Variants in AFG2A observed in about 807,000 individuals in gnomAD.
The protein encoded by AFG2A is AAA ATPase AFG2A.
chr4:122,970,311 A>T, the AFG2A span, among the ~76,000 whole-genome samples: 1 of 152,114 alleles, frequency 6.6e-6, no homozygotes, highest in Non-Finnish European at 1.5e-5. Flanking sequence ...AACATGCCTT[A>T]CAGGTTTGTA....
At chr4:123,302,516 A>AT in the AFG2A span, among the ~76,000 whole-genome samples, 6,954 of 149,226 alleles carry the variant, frequency 0.047, 236 homozygotes, top group African/African-American at 0.09. Flanking sequence ...ATGCGTGTGT[A>AT]TTTTTTTTTT....
At chr4:123,009,783 T>C in the AFG2A span, among the ~76,000 whole-genome samples, 1 of 152,212 alleles carries the variant, frequency 6.6e-6, no homozygotes, top group Non-Finnish European at 1.5e-5. Flanking sequence ...AAGTTCCAAT[T>C]TTCATCACAG....
chr4:123,261,619 T>G, the AFG2A span, among the ~76,000 whole-genome samples: 1 of 152,114 alleles, frequency 6.6e-6, no homozygotes, highest in East Asian at 1.9e-4. Flanking sequence ...CCAATTGCCC[T>G]TGGATACCAA....
the AFG2A span, among the ~76,000 whole-genome samples, chr4:123,295,934 G>A: frequency 6.6e-6 from 1 of 152,208 alleles, no homozygotes; most frequent in African/African-American, 2.4e-5. Flanking sequence ...AGATAAAGCA[G>A]AGAAAAGCGT....
chr4:123,276,076 T>C, the AFG2A span, among the ~76,000 whole-genome samples: 2 of 152,230 alleles, frequency 1.3e-5, no homozygotes, highest in African/African-American at 4.8e-5. Flanking sequence ...CTTTCTACAA[T>C]GGCTAAGCTC....
the AFG2A span, among the ~76,000 whole-genome samples, chr4:123,171,879 CTTTTTCTAAAATTTTTA>C: frequency 6.6e-6 from 1 of 151,548 alleles, no homozygotes; most frequent in African/African-American, 2.4e-5. Context: ...TAAAATTTTC[CTTTTTCTAAAATTTTTA>C]TTTTCTTTTT....
At chr4:123,183,442 C>A in the AFG2A span, among the ~76,000 whole-genome samples, 19 of 152,150 alleles carry the variant, frequency 1.2e-4, no homozygotes, top group Non-Finnish European at 1.6e-4. Context: ...AAATAGAATT[C>A]TTTAAAATAG....
the AFG2A span, among the ~76,000 whole-genome samples, chr4:122,970,737 C>G: frequency 6.6e-6 from 1 of 151,974 alleles, no homozygotes; most frequent in Non-Finnish European, 1.5e-5. Context: ...TATAAGTATA[C>G]TCTATAATGT....
the AFG2A span, among the ~76,000 whole-genome samples, chr4:122,956,590 C>A: frequency 3.3e-5 from 5 of 152,226 alleles, no homozygotes; most frequent in South Asian, 1.0e-3. Flanking sequence ...CTATTTTCCC[C>A]TAATCTAGCA....
At chr4:122,947,196 TCAGAAAAATAAA>T in the AFG2A span, 3 of 1,489,736 alleles carry the variant, frequency 2.0e-6, no homozygotes, top group Admixed American at 2.4e-5. Context: ...TTTCTAACTT[TCAGAAAAATAAA>T]TTTATTTTCA....
chr4:123,260,496 G>C, the AFG2A span, among the ~76,000 whole-genome samples: 1 of 152,204 alleles, frequency 6.6e-6, no homozygotes, highest in East Asian at 1.9e-4. Context: ...AATAAAAGGA[G>C]AGCCTTAAAT....
At chr4:122,972,110 A>G in the AFG2A span, among the ~76,000 whole-genome samples, 3 of 152,110 alleles carry the variant, frequency 2.0e-5, no homozygotes, top group African/African-American at 7.2e-5. Flanking sequence ...ATTTGGTGAC[A>G]TTTATCAGTG....
chr4:122,935,609 A>G, the AFG2A span: 1 of 1,335,604 alleles, frequency 7.5e-7, no homozygotes, highest in Non-Finnish European at 9.9e-7. Flanking sequence ...TCTTTTTGTG[A>G]CGCAAGGTAA....
At chr4:123,202,245 G>A in the AFG2A span, among the ~76,000 whole-genome samples, 1 of 152,082 alleles carries the variant, frequency 6.6e-6, no homozygotes, top group Admixed American at 6.5e-5. Context: ...CTTCAGAACA[G>A]TGATCTCTGA....
At chr4:123,286,624 T>C in the AFG2A span, among the ~76,000 whole-genome samples, 1 of 152,186 alleles carries the variant, frequency 6.6e-6, no homozygotes, top group South Asian at 2.1e-4. Context: ...TCTCTCAACA[T>C]ATTTCTGGAA....
chr4:123,195,736 A>C, the AFG2A span, among the ~76,000 whole-genome samples: 1 of 152,180 alleles, frequency 6.6e-6, no homozygotes, highest in East Asian at 1.9e-4. Context: ...TCTGTCCCTC[A>C]GTGATTACAG....
the AFG2A span, among the ~76,000 whole-genome samples, chr4:122,937,751 A>G: frequency 2.0e-5 from 3 of 152,174 alleles, no homozygotes; most frequent in Admixed American, 1.3e-4. Flanking sequence ...GGGCATTTCT[A>G]GTTTATGTCC....
the AFG2A span, among the ~76,000 whole-genome samples, chr4:123,161,034 G>A: frequency 7.2e-4 from 109 of 152,250 alleles, 2 homozygotes; most frequent in Middle Eastern, 0.014. Flanking sequence ...CTGAAACTGC[G>A]GAAAGAGAAA....
At chr4:123,081,371 A>G in the AFG2A span, among the ~76,000 whole-genome samples, 1 of 152,156 alleles carries the variant, frequency 6.6e-6, no homozygotes, top group Non-Finnish European at 1.5e-5. Flanking sequence ...GTGTTCCTGT[A>G]GTTGGAATAA....
Sources: gnomAD v4.1 joint callset for allele counts (sites outside exome capture counted in the v4.1 genomes callset) on GRCh38, gnomAD v4.1.1 for gene constraint, MANE v1.5 for transcripts, NCBI Gene and HGNC (gene_info 2026-07-23, HGNC 2026-07-21) for gene names.